Variants in DLGAP1 observed in about 807,000 individuals in gnomAD.
The protein encoded by DLGAP1 is disks large-associated protein 1.
In DLGAP1, 11 loss-of-function variants were observed where a neutral mutation model predicts 90.8. The ratio of observed to expected loss-of-function variants is 0.12; its 90% CI spans 0.08 to 0.20. The LOEUF is 0.20. Among genes scored for constraint, DLGAP1 ranks in the 10% least tolerant of loss-of-function variants. The probability of loss-of-function intolerance (pLI) is 1.00; values close to 1 mark genes in which losing one functional copy is unlikely to be tolerated. For missense variants in DLGAP1, 1,050 were observed against 1,333.8 expected (o/e 0.79, Z 3.31); for synonymous variants, 558 against 540.7 (o/e 1.03, Z -0.44).
intron 2 of DLGAP1, among the ~76,000 whole-genome samples, chr18:4,036,771 T>A (rs2074895916): frequency 6.6e-6 from 1 of 151,950 alleles, no homozygotes; most frequent in African/African-American, 2.4e-5. Flanking sequence ...AGAAGGGGAG[T>A]TGTAAATTTC....
chr18:4,395,729 T>C (rs2082426455), intron 1 of DLGAP1, among the ~76,000 whole-genome samples: 1 of 152,222 alleles, frequency 6.6e-6, no homozygotes, highest in Admixed American at 6.5e-5. Flanking sequence ...CTTAAGTCCA[T>C]ACCCATTAAA....
chr18:4,057,729 A>G (rs943038845), intron 2 of DLGAP1, among the ~76,000 whole-genome samples: 1 of 152,228 alleles, frequency 6.6e-6, no homozygotes, highest in African/African-American at 2.4e-5. Flanking sequence ...CGGAGGAGGC[A>G]AGAATCAAGT....
chr18:4,059,424 G>A (rs1184637035), intron 2 of DLGAP1, among the ~76,000 whole-genome samples: 2 of 152,146 alleles, frequency 1.3e-5, no homozygotes, highest in African/African-American at 4.8e-5. Flanking sequence ...ACACTGTTTG[G>A]CCTAAAAATA....
intron 1 of DLGAP1, among the ~76,000 whole-genome samples, chr18:4,384,004 G>A (rs766698173): frequency 5.9e-5 from 9 of 152,130 alleles, no homozygotes; most frequent in Non-Finnish European, 1.2e-4. Flanking sequence ...CTATGGTAAT[G>A]TCATAAAATG....
Position 3,887,918 on chromosome 18 carries a change from C to G in DLGAP1, c.-72-7778G>C, listed in dbSNP as rs191911566. ...GGTCAGGTGATCGAGACCATCCTGG[C>G]TAACATGGTCAAACCCCGTCTCTAC... On this transcript the variant is annotated intron_variant, in intron 3 of 12. Transcript: ENST00000315677. Among the ~76,000 whole-genome samples, 709 of 151,730 alleles carry G rather than the reference C, an allele frequency of 4.7e-3. 3 individuals are homozygous for G. Among genetic ancestry groups the G allele is most frequent in the African/African-American group, 0.015 (614 of 41,414 alleles).
At chr18:4,341,889 A>G (rs1350644496) in intron 1 of DLGAP1, among the ~76,000 whole-genome samples, 1 of 152,132 alleles carries the variant, frequency 6.6e-6, no homozygotes, top group South Asian at 2.1e-4. Flanking sequence ...CTTTGAAATT[A>G]AACTGATGTG....
chr18:3,851,600 T>C (rs2069346064), intron 4 of DLGAP1, among the ~76,000 whole-genome samples: 1 of 151,976 alleles, frequency 6.6e-6, no homozygotes, highest in African/African-American at 2.4e-5. Context: ...TGATAAGAAA[T>C]ATGGCCTATG....
At chr18:3,801,682 AC>A (rs1374749850) in intron 5 of DLGAP1, among the ~76,000 whole-genome samples, 3 of 152,196 alleles carry the variant, frequency 2.0e-5, no homozygotes. Context: ...GTTAGTCATT[AC>A]TATTCTTCAA....
chr18:4,224,002 G>C (rs1462692799), intron 1 of DLGAP1, among the ~76,000 whole-genome samples: 1 of 152,186 alleles, frequency 6.6e-6, no homozygotes, highest in Non-Finnish European at 1.5e-5. Flanking sequence ...AGAGAAATGA[G>C]AATGAGCATA....
chr18:3,677,296 G>C (rs1194324293), intron 7 of DLGAP1, among the ~76,000 whole-genome samples: 1 of 152,160 alleles, frequency 6.6e-6, no homozygotes, highest in African/African-American at 2.4e-5. Flanking sequence ...CACTGAATCT[G>C]CCATAGGGCC....
intron 5 of DLGAP1, among the ~76,000 whole-genome samples, chr18:3,806,101 A>T (rs749982154): frequency 2.0e-5 from 3 of 152,202 alleles, no homozygotes; most frequent in Non-Finnish European, 4.4e-5. Context: ...AGCTTTTCTC[A>T]TTCCTGCAAA....
At chr18:4,408,856 T>G (rs573370054) in intron 1 of DLGAP1, among the ~76,000 whole-genome samples, 2 of 152,166 alleles carry the variant, frequency 1.3e-5, no homozygotes, top group East Asian at 3.9e-4. Context: ...CACTGTCAAA[T>G]AAGAATATTT....
intron 2 of DLGAP1, among the ~76,000 whole-genome samples, chr18:4,068,480 T>G (rs2075402019): frequency 6.6e-6 from 1 of 152,012 alleles, no homozygotes; most frequent in Non-Finnish European, 1.5e-5. Flanking sequence ...CTTCTGATTT[T>G]GTGATATTTA....
At chr18:3,776,679 G>A (rs1241931975) in intron 5 of DLGAP1, among the ~76,000 whole-genome samples, 6 of 152,128 alleles carry the variant, frequency 3.9e-5, no homozygotes, top group Non-Finnish European at 5.9e-5. Context: ...CTCTAAGCCT[G>A]AAAGTGATAA....
intron 1 of DLGAP1, among the ~76,000 whole-genome samples, chr18:4,200,420 ATTGC>A (rs1206878741): frequency 1.3e-5 from 2 of 151,696 alleles, no homozygotes; most frequent in African/African-American, 4.8e-5. Flanking sequence ...CAAAATTACA[ATTGC>A]TTATTTATAA....
intron 3 of DLGAP1, among the ~76,000 whole-genome samples, chr18:3,988,647 C>T (rs1231618488): frequency 6.6e-6 from 1 of 152,152 alleles, no homozygotes; most frequent in African/African-American, 2.4e-5. Flanking sequence ...TGATGGGGAG[C>T]GGCTGCAAAT....
At chr18:4,119,419 C>A (rs139468894) in intron 2 of DLGAP1, among the ~76,000 whole-genome samples, 25 of 152,246 alleles carry the variant, frequency 1.6e-4, no homozygotes, top group African/African-American at 5.8e-4. Context: ...AATAACAGAG[C>A]CACCAATAAT....
chr18:3,639,334 C>G (rs1008524286), intron 7 of DLGAP1, among the ~76,000 whole-genome samples: 5 of 139,126 alleles, frequency 3.6e-5, no homozygotes, highest in African/African-American at 1.5e-4. Context: ...CCAGCCTGGG[C>G]AACAGCGAGA....
At chr18:3,854,797 C>T (rs965750575) in intron 4 of DLGAP1, among the ~76,000 whole-genome samples, 2 of 152,184 alleles carry the variant, frequency 1.3e-5, no homozygotes, top group South Asian at 4.1e-4. Context: ...GAGTGTGAGG[C>T]AGCCTGACAT....
Sources: gnomAD v4.1 joint callset for allele counts (sites outside exome capture counted in the v4.1 genomes callset) on GRCh38, gnomAD v4.1.1 for gene constraint, MANE v1.5 for transcripts, NCBI Gene and HGNC (gene_info 2026-07-23, HGNC 2026-07-21) for gene names.